The following GRAMD1B variants were observed in gnomAD, a reference collection of about 807,000 sequenced individuals.
GRAMD1B encodes the protein protein Aster-B.
A neutral mutation model predicts 99.7 loss-of-function variants in GRAMD1B; 37 were observed. The ratio of observed to expected loss-of-function variants is 0.37; its 90% CI spans 0.29 to 0.49. The LOEUF is 0.49. Among genes scored for constraint, GRAMD1B ranks in the 20% least tolerant of loss-of-function variants. The pLI is 0.98. For synonymous variants in GRAMD1B, 427 were observed against 387.6 expected (o/e 1.10, Z -1.19); for missense variants, 888 against 1,009.2 (o/e 0.88, Z 1.63).
At chr11:123,497,424 C>A (rs1213306407) in intron 2 of GRAMD1B, among the ~76,000 whole-genome samples, 3 of 152,162 alleles carry the variant, frequency 2.0e-5, no homozygotes, top group African/African-American at 7.2e-5. Flanking sequence ...GACCTGGCTA[C>A]CATGTAAGTT....
intron 7 of GRAMD1B, among the ~76,000 whole-genome samples, chr11:123,599,928 G>A (rs1951745287): frequency 6.6e-6 from 1 of 152,208 alleles, no homozygotes; most frequent in African/African-American, 2.4e-5. Context: ...CCACCTTGTG[G>A]TTGATCAGTA....
chr11:123,363,043 C>T (rs368222620), intron 1 of GRAMD1B, among the ~76,000 whole-genome samples: 37 of 151,886 alleles, frequency 2.4e-4, no homozygotes, highest in African/African-American at 2.2e-4. Flanking sequence ...AGCGAGCAAA[C>T]GCAAGAAAAG....
intron 4 of GRAMD1B, among the ~76,000 whole-genome samples, chr11:123,589,325 G>A (rs1254003832): frequency 6.6e-6 from 1 of 151,768 alleles, no homozygotes; most frequent in Non-Finnish European, 1.5e-5. Context: ...GCATCCGTGG[G>A]GTGTCCATCT....
At chr11:123,462,903 A>AT (rs1565519582) in intron 1 of GRAMD1B, among the ~76,000 whole-genome samples, 99 of 149,942 alleles carry the variant, frequency 6.6e-4, no homozygotes, top group African/African-American at 2.3e-3. Context: ...AAAAAAAAAA[A>AT]AAAAAAAAAG....
At chr11:123,551,841 G>A (rs984184923) in intron 2 of GRAMD1B, among the ~76,000 whole-genome samples, 4 of 152,118 alleles carry the variant, frequency 2.6e-5, no homozygotes, top group Admixed American at 6.5e-5. Flanking sequence ...GAGACTCTGA[G>A]TTCTGCCTGT....
intron 1 of GRAMD1B, chr11:123,432,247 T>C (rs916632143): frequency 1.0e-5 from 4 of 387,982 alleles, no homozygotes; most frequent in African/African-American, 6.2e-5. Context: ...AGAAGGAAGA[T>C]GAGGGGAGGC....
intron 2 of GRAMD1B, among the ~76,000 whole-genome samples, chr11:123,487,456 G>A (rs190268100): frequency 1.3e-5 from 2 of 152,302 alleles, no homozygotes; most frequent in African/African-American, 2.4e-5. Flanking sequence ...TTGCTGCAGC[G>A]CCATATCCTA....
At chr11:123,593,904 C>A (rs1435013296) in intron 4 of GRAMD1B, among the ~76,000 whole-genome samples, 178 bp from the exon 5 acceptor site, 1 of 152,146 alleles carries the variant, frequency 6.6e-6, no homozygotes, top group Non-Finnish European at 1.5e-5. Flanking sequence ...CAGATTCTCC[C>A]CACTGTGTTT....
chr11:123,447,499 A>C (rs904772016), intron 1 of GRAMD1B, among the ~76,000 whole-genome samples: 3 of 152,116 alleles, frequency 2.0e-5, no homozygotes, highest in African/African-American at 7.2e-5. Context: ...ATCTGTGGGG[A>C]CAGGGTGACA....
rs1008907309 is a variant in GRAMD1B at position 123,474,940 on chromosome 11, G to A, written c.375-5876G>A. 2.6e-5 allele frequency among the ~76,000 whole-genome samples: 4 copies of A among 152,080 alleles called. No homozygotes were observed. The East Asian group carries it at 5.8e-4, about 22-fold the overall frequency. On this transcript the variant is annotated intron_variant, in intron 1 of 19. Coordinates refer to ENST00000635736, the MANE Select transcript of GRAMD1B (RefSeq NM_001387025.1). ...ATTACAGCCTACATGCCCCCATGAC[G>A]GCTTGGGACCACCTGAATCTCTCAG...
chr11:123,415,095 C>CTTTTTTTTTTTTTT (rs1175202539), intron 1 of GRAMD1B, among the ~76,000 whole-genome samples: 15 of 75,812 alleles, frequency 2.0e-4, no homozygotes, highest in Non-Finnish European at 2.4e-4. Flanking sequence ...CTTTTTCTTT[C>CTTTTTTTTTTTTTT]TTTTTTTTTT....
chr11:123,574,656 AG>A lies in GRAMD1B; in HGVS notation c.453-2709del, dbSNP rs529742150. Among the ~76,000 whole-genome samples the A allele has an allele frequency of 2.3e-3, 350 of 152,252 alleles. 1 individual carries two copies. The highest frequency in any genetic ancestry group is 6.8e-3 in the Middle Eastern group (2 of 294). On this transcript the variant is annotated intron_variant, in intron 2 of 19. Coordinates refer to ENST00000635736, the MANE Select transcript of GRAMD1B (RefSeq NM_001387025.1). ...GCCATTGAGAATGGGCAGTCGTGGG[AG>A]GAGGTCTGGGAGGAAAGATGTCCAG...
intron 2 of GRAMD1B, among the ~76,000 whole-genome samples, chr11:123,514,623 G>A (rs1454385934): frequency 6.6e-6 from 1 of 152,194 alleles, no homozygotes; most frequent in African/African-American, 2.4e-5. Flanking sequence ...GGATGCATGT[G>A]GAAGACAAGA....
At chr11:123,551,644 T>C (rs1369425961) in intron 2 of GRAMD1B, among the ~76,000 whole-genome samples, 2 of 152,152 alleles carry the variant, frequency 1.3e-5, no homozygotes, top group African/African-American at 2.4e-5. Flanking sequence ...AAACCTGGGA[T>C]TGTGGGCAAA....
intron 4 of GRAMD1B, among the ~76,000 whole-genome samples, chr11:123,586,604 G>A (rs2136394570): frequency 6.6e-6 from 1 of 152,278 alleles, no homozygotes. Context: ...GTGCTTTCAT[G>A]TGCAGATGCC....
rs747374034 is a variant in GRAMD1B at position 123,606,603 on chromosome 11, C to T, written c.1324-6C>T. 2 of 1,606,554 alleles carry T rather than the reference C, an allele frequency of 1.2e-6. No individual in the cohort carries two copies. Reference sequence around the variant, plus strand: ...CTGGTGGGTGACTCCTCTGTCTTGGCTCCAGTTTGATGGGCTGCCCCTGGA... The same window carrying T: ...CTGGTGGGTGACTCCTCTGTCTTGGTTCCAGTTTGATGGGCTGCCCCTGGA... On this transcript the variant is annotated splice_polypyrimidine_tract_variant and splice_region_variant and intron_variant, in intron 10 of 19. Transcript: ENST00000635736.
At chr11:123,604,781 C>T (rs975842873) in intron 9 of GRAMD1B, among the ~76,000 whole-genome samples, 1 of 152,144 alleles carries the variant, frequency 6.6e-6, no homozygotes, top group Non-Finnish European at 1.5e-5. Context: ...GAGGCTACAG[C>T]GGCATCCCTG....
intron 2 of GRAMD1B, among the ~76,000 whole-genome samples, chr11:123,518,691 C>G (rs1941909751): frequency 6.6e-6 from 1 of 152,212 alleles, no homozygotes; most frequent in Non-Finnish European, 1.5e-5. Context: ...TAGCACTTCA[C>G]TGGGCTGCTG....
chr11:123,472,217 G>T (rs1426691258), intron 1 of GRAMD1B, among the ~76,000 whole-genome samples: 3 of 147,386 alleles, frequency 2.0e-5, no homozygotes, highest in African/African-American at 5.0e-5. Context: ...AATGGAGCAA[G>T]ACTCTGTCTC....
Sources: gnomAD v4.1 joint callset for allele counts (sites outside exome capture counted in the v4.1 genomes callset) on GRCh38, gnomAD v4.1.1 for gene constraint, MANE v1.5 for transcripts, NCBI Gene and HGNC (gene_info 2026-07-23, HGNC 2026-07-21) for gene names.